PARPBP: variants seen among roughly 807,000 people sequenced by gnomAD.
The protein encoded by PARPBP is PCNA-interacting partner.
PARPBP carries 52 observed loss-of-function variants against 50.0 expected under a neutral mutation model. That is an observed-to-expected ratio of 1.04 (90% CI 0.83 to 1.31). PARPBP has a LOEUF of 1.31. Among genes scored for constraint, PARPBP ranks in the 50% most tolerant of loss-of-function variants. PARPBP has a pLI of 0.00. For synonymous variants in PARPBP, 244 were observed against 232.1 expected (o/e 1.05, Z -0.47); for missense variants, 697 against 672.0 (o/e 1.04, Z -0.41).
At chr12:102,139,392 TG>T (rs1884190338) in intron 2 of PARPBP, among the ~76,000 whole-genome samples, 2 of 152,216 alleles carry the variant, frequency 1.3e-5, no homozygotes, top group Admixed American at 1.3e-4. Context: ...GCTGAGACGA[TG>T]GGGTTTTCTA....
At chr12:102,126,743 T>C (rs1194309660) in intron 2 of PARPBP, among the ~76,000 whole-genome samples, 1 of 152,156 alleles carries the variant, frequency 6.6e-6, no homozygotes, top group Non-Finnish European at 1.5e-5. Context: ...GGCACTGCAC[T>C]CCAGTCTGGC....
Position 102,146,395 on chromosome 12 carries a change from C to G in PARPBP, c.154-1835C>G, listed in dbSNP as rs1409390599. Among the ~76,000 whole-genome samples, 4 of 152,010 alleles carry G rather than the reference C, an allele frequency of 2.6e-5. No individual in the cohort carries two copies. The East Asian group carries it at 7.7e-4, about 29-fold the overall frequency. ...TATAGATCAATGGAACAGAACAGAGCCCTCGGAAATAATGCCACATATCTA... is the reference window on the plus strand; with the variant it reads ...TATAGATCAATGGAACAGAACAGAGGCCTCGGAAATAATGCCACATATCTA... On this transcript the variant is annotated intron_variant, in intron 2 of 10. Transcript: ENST00000327680.
intron 9 of PARPBP, among the ~76,000 whole-genome samples, chr12:102,184,822 T>C (rs1184676661): frequency 6.6e-6 from 1 of 152,182 alleles, no homozygotes; most frequent in Non-Finnish European, 1.5e-5. Context: ...CAAAAAATGC[T>C]GCCAATATTT....
chr12:102,151,823 C>G (rs1051199837), intron 3 of PARPBP: 164 of 1,508,154 alleles, frequency 1.1e-4, no homozygotes, highest in Non-Finnish European at 1.4e-4. Flanking sequence ...GAAAGCCACC[C>G]GCTTCAGAAC....
At position 102,139,778 on chromosome 12, in the gene PARPBP, A is replaced by T. The variant is rs535657487; in HGVS notation, c.154-8452A>T. ...GTCTTTGGTTCTGTTTATATGATGGACTACATTTATTGATTTGTGTATGTT... is the reference window on the plus strand; with the variant it reads ...GTCTTTGGTTCTGTTTATATGATGGTCTACATTTATTGATTTGTGTATGTT... On this transcript the variant is annotated intron_variant, in intron 2 of 10. Coordinates refer to ENST00000327680, the MANE Select transcript of PARPBP (RefSeq NM_017915.5). 5.3e-5 allele frequency among the ~76,000 whole-genome samples: 8 copies of T among 152,290 alleles called. No individual in the cohort carries two copies. In the South Asian group the frequency reaches 1.0e-3, roughly 20 times the overall value.
intron 2 of PARPBP, among the ~76,000 whole-genome samples, chr12:102,147,850 C>T (rs567893236): frequency 1.3e-4 from 19 of 151,778 alleles, no homozygotes; most frequent in African/African-American, 1.7e-4. Context: ...GCCAAAAGAA[C>T]GAAAAGGAAC....
intron 9 of PARPBP, among the ~76,000 whole-genome samples, chr12:102,184,073 A>G (rs1335174644): frequency 6.7e-6 from 1 of 149,210 alleles, no homozygotes. Context: ...AAAAGAAAGA[A>G]TGTAAGACAT....
chr12:102,182,454 G>C (rs2136970588), intron 8 of PARPBP, 95 bp from the exon 9 acceptor site: 3 of 804,774 alleles, frequency 3.7e-6, no homozygotes. Context: ...GGAAAAACTA[G>C]ATTGTATTGG....
chr12:102,134,459 T>C (rs575600164), intron 2 of PARPBP, among the ~76,000 whole-genome samples: 3 of 152,232 alleles, frequency 2.0e-5, no homozygotes, highest in African/African-American at 7.2e-5. Flanking sequence ...GAATCAGTAA[T>C]AAAAAGTCTT....
intron 2 of PARPBP, among the ~76,000 whole-genome samples, chr12:102,132,460 C>CACAAATTACACAATT (rs1883014691): frequency 6.6e-6 from 1 of 152,076 alleles, no homozygotes; most frequent in South Asian, 2.1e-4. Context: ...AACCAATTGC[C>CACAAATTACACAATT]TGTAAATTTG....
rs771659694 is a variant in PARPBP, at chr12:102,197,504, A to G, written c.*1213A>G. 1.9e-6 allele frequency: 3 copies of G among 1,580,562 alleles called. No homozygotes were observed. The South Asian group carries it at 3.5e-5, about 18-fold the overall frequency. On this transcript the variant is annotated 3_prime_UTR_variant, in exon 11 of 11. Transcript: ENST00000327680. ...TAAATTTTCATTGAAATAAACGACA[A>G]GTCACATTGCCACTTACCTTTGAAA... is the stretch of plus-strand genomic sequence containing the variant.
chr12:102,159,578 T>C (rs975637548), intron 4 of PARPBP, among the ~76,000 whole-genome samples: 2 of 152,238 alleles, frequency 1.3e-5, no homozygotes, highest in South Asian at 2.1e-4. Context: ...TATTTTTGTT[T>C]CCTTATTTTA....
In PARPBP at chr12:102,120,456, T is replaced by A. The variant is rs1165550171; in HGVS notation, c.-4+170T>A. ...CTCGAGCCTGGTTGGGCCTGGGGGC[T>A]GTAGGCGGAGTTCACAGTATCTAGC... On this transcript the variant is annotated intron_variant, in intron 1 of 10. Transcript: ENST00000327680. The A allele has an allele frequency of 6.6e-6, 3 of 456,508 alleles. No individual in the cohort carries two copies. In the East Asian group the frequency reaches 2.1e-4, roughly 32 times the overall value. The allele number at this position is 456,508 out of a possible 1,614,324, so 28.3% of individuals were successfully genotyped here. A position where few individuals can be genotyped will look rare whatever the true frequency, so the allele number is the denominator to read the frequency against.
intron 3 of PARPBP, among the ~76,000 whole-genome samples, chr12:102,149,764 G>A (rs908923597): frequency 8.5e-5 from 13 of 152,184 alleles, no homozygotes; most frequent in African/African-American, 3.1e-4. Flanking sequence ...CCTTTGCCTT[G>A]TTACAGCTTC....
chr12:102,156,504 T>G (rs556433369), intron 4 of PARPBP, among the ~76,000 whole-genome samples: 1 of 151,972 alleles, frequency 6.6e-6, no homozygotes, highest in Admixed American at 6.6e-5. Context: ...GAATTAACCT[T>G]AAATATTTTA....
intron 3 of PARPBP, among the ~76,000 whole-genome samples, chr12:102,150,604 C>T (rs781764263): frequency 6.6e-6 from 1 of 152,162 alleles, no homozygotes; most frequent in Non-Finnish European, 1.5e-5. Context: ...ATTCAGGGCC[C>T]ATGGGCATCT....
Position 102,164,451 on chromosome 12 carries a change from C to A in PARPBP, c.509C>A (p.Ala170Glu), listed in dbSNP as rs1391654798. 6.2e-7 allele frequency: 1 copy of A among 1,611,152 alleles called. No homozygotes were observed. The highest frequency in any genetic ancestry group is 8.5e-7 in the Non-Finnish European group (1 of 1,177,908). Residue 170 changes from alanine (A) to glutamate (E), a missense_variant, in exon 5 of 11, where the codon GCA becomes GAA. Ala to Glu is a moderately radical substitution (Grantham distance 107). Transcript: ENST00000327680. ...NRDNEKVQLL[A>E]RKIIFSYLNL... ...TTTATTGCACAGGTGCAGCTGCTAG[C>A]AAGGAAAATTATCTTTTCATATTTA...
intron 6 of PARPBP, among the ~76,000 whole-genome samples, chr12:102,171,131 G>C (rs983196522): frequency 2.0e-5 from 3 of 149,428 alleles, no homozygotes; most frequent in Non-Finnish European, 3.0e-5. Flanking sequence ...ACCTGCCTGA[G>C]ACTATTTCAG....
chr12:102,192,546 C>T (rs1204890200), intron 9 of PARPBP, among the ~76,000 whole-genome samples: 1 of 152,052 alleles, frequency 6.6e-6, no homozygotes, highest in Non-Finnish European at 1.5e-5. Flanking sequence ...AGGTCTTTTA[C>T]ATATGTTGTT....
Sources: gnomAD v4.1 joint callset for allele counts (sites outside exome capture counted in the v4.1 genomes callset) on GRCh38, gnomAD v4.1.1 for gene constraint, MANE v1.5 for transcripts, NCBI Gene and HGNC (gene_info 2026-07-23, HGNC 2026-07-21) for gene names.